DNMT1: variants seen among roughly 807,000 people sequenced by gnomAD.
DNMT1 encodes DNA methyltransferase 1, also known as DNA (cytosine-5)-methyltransferase 1.
Under a neutral mutation model 205.3 loss-of-function variants are expected in DNMT1, and 24 were observed. That is an observed-to-expected ratio of 0.12 (90% CI 0.08 to 0.16). DNMT1 has a LOEUF of 0.16. Among genes scored for constraint, DNMT1 ranks in the 10% least tolerant of loss-of-function variants. The pLI, the probability that DNMT1 is intolerant of heterozygous loss-of-function variation, is 1.00. For missense variants in DNMT1, 1,293 were observed against 2,177.7 expected, an observed-to-expected ratio of 0.59 and a Z score of 8.09; for synonymous variants, 817 against 839.8, an observed-to-expected ratio of 0.97 and a Z score of 0.47.
At chr19:10,175,450 T>C (rs2038921348) in intron 7 of DNMT1, 90 bp downstream of exon 7, 2 of 1,515,904 alleles carry the variant, frequency 1.3e-6, no homozygotes, top group East Asian at 2.3e-5. Flanking sequence ...AGACAGGGTT[T>C]TTATTTACTT....
chr19:10,140,498 T>C lies in DNMT1; in HGVS notation c.3524-170A>G. On this transcript the variant is annotated intron_variant, in intron 32 of 40. Coordinates refer to ENST00000359526, the MANE Select transcript of DNMT1 (RefSeq NM_001130823.3). The surrounding 1 kb of genome is among the most constrained non-coding windows in gnomAD (Gnocchi z 8.4). ...GATTCTCCCACCTCAGCCTCCTGAG[T>C]AGCTGGGACTACAGGCACACACCAC... The C allele has an allele frequency of 2.9e-6, 3 of 1,028,852 alleles. No individual in the cohort carries two copies. The highest frequency in any genetic ancestry group is 4.3e-6 in the Non-Finnish European group (3 of 703,136). The allele number at this position is 1,028,852 out of a possible 1,614,324, so 63.7% of individuals were successfully genotyped here. A position where few individuals can be genotyped will look rare whatever the true frequency, so the allele number is the denominator to read the frequency against.
chr19:10,162,667 C>T lies in DNMT1; in HGVS notation c.1008G>A (p.Lys336=), dbSNP rs750048459. ...QISDEKDEDE[K]EEKRRKTTPK... ...AAAGAAAGAAAAGTGAGACCTTTACCTTTTCATCCTCGTCTTTTTCATCAG... is the reference window on the plus strand; with the variant it reads ...AAAGAAAGAAAAGTGAGACCTTTACTTTTTCATCCTCGTCTTTTTCATCAG... Residue 336 remains lysine (K), a splice_region_variant and synonymous_variant, in exon 13 of 41, where the codon AAG becomes AAA. Transcript: ENST00000359526. 5 of 1,608,246 alleles carry T rather than the reference C, an allele frequency of 3.1e-6. No homozygotes were observed. The highest frequency in any genetic ancestry group is 4.3e-6 in the Non-Finnish European group (5 of 1,176,358).
rs573823039 is a variant in DNMT1 at position 10,162,620 on chromosome 19, GAAA to G, written c.1008+44_1008+46del. 0.01 allele frequency: 13,344 copies of G among 1,293,020 alleles called. No individual in the cohort carries two copies. Among genetic ancestry groups the G allele is most frequent in the East Asian group, 0.017 (623 of 37,004 alleles). 80.1% of individuals were successfully genotyped at this position (1,293,020 alleles called of 1,614,324 possible). A position where few individuals can be genotyped will look rare whatever the true frequency, so the allele number is the denominator to read the frequency against. On this transcript the variant is annotated intron_variant, in intron 13 of 40. Transcript: ENST00000359526. ...CAACATGGCGAAACCCCGTCTTGGG[GAAA>G]AAAAAAAAAAAAAAAAAGAAAGAAA...
At chr19:10,149,775 T>G in intron 25 of DNMT1, 78 bp downstream of exon 25, 1 of 1,604,046 alleles carries the variant, frequency 6.2e-7, no homozygotes, top group Admixed American at 1.7e-5. Flanking sequence ...AAGCTGCTGG[T>G]GCTATTTTGG....
chr19:10,155,329 G>A (rs2038433842), intron 19 of DNMT1, among the ~76,000 whole-genome samples: 2 of 151,694 alleles, frequency 1.3e-5, no homozygotes, highest in South Asian at 4.2e-4. Context: ...GCAAGAATAA[G>A]ACCTGCTCTT....
In DNMT1 at chr19:10,137,945, G is replaced by A; in HGVS notation, c.4180C>T (p.Arg1394Trp). The change falls in exon 36 of 41, where the codon CGG becomes TGG. Residue 1394 changes from arginine to tryptophan, a missense_variant. By Grantham distance (101) the Arg-to-Trp change is moderately radical. Around this residue, in one of 13 missense-constraint regions of DNMT1, gnomAD observed 148 missense variants for 256.1 expected, o/e 0.58. Transcript: ENST00000359526. The surrounding 1 kb of genome is among the most constrained non-coding windows in gnomAD (Gnocchi z 6.4). ...RDTMSDLPEV[R>W]NGASALEISY... is the part of the protein sequence containing the mutation. The stretch of plus-strand genomic sequence containing the variant: ...ATCTCCAGTGCCGAGGCTCCATTCC[G>A]CACCTCCGGCAGGTCGGACATCGTG... 1.9e-6 allele frequency: 3 copies of A among 1,611,736 alleles called. No individual in the cohort carries two copies. The highest frequency in any genetic ancestry group is 1.1e-5 in the South Asian group (1 of 90,548).
chr19:10,139,923 G>C, intron 33 of DNMT1, 106 bp from the exon 34 acceptor site: 1 of 1,582,830 alleles, frequency 6.3e-7, no homozygotes, highest in Non-Finnish European at 8.6e-7. Context: ...TCTCTCCCTG[G>C]TGAGAGCTGA....
chr19:10,180,454 C>T lies in DNMT1; in HGVS notation c.341G>A (p.Arg114Lys), dbSNP rs554894511. ...NGRLENGNQA[R>K]SEARRVGMAD... is the part of the protein sequence containing the mutation. ...CATTCCCACTCTACGGGCTTCACTT[C>T]TTGCTTGGTTCCCGTTTTCTAGACG... is the stretch of plus-strand genomic sequence containing the variant. The change falls in exon 4 of 41, where the codon AGA (arginine) becomes AAA (lysine). Residue 114 changes from arginine to lysine, a missense_variant. This residue lies in a region of DNMT1 where 394 missense variants were observed against 451.6 expected (regional missense o/e 0.87). Coordinates refer to ENST00000359526, the MANE Select transcript of DNMT1 (RefSeq NM_001130823.3). 1.2e-5 allele frequency: 20 copies of T among 1,614,058 alleles called. No individual in the cohort carries two copies. Among genetic ancestry groups the T allele is most frequent in the Non-Finnish European group, 1.7e-5 (20 of 1,180,048 alleles).
In DNMT1 at chr19:10,148,976, C is replaced by A; in HGVS notation, c.2628G>T (p.Gly876=). 1 of 1,614,170 alleles carries A rather than the reference C, an allele frequency of 6.2e-7. No homozygotes were observed. The highest frequency in any genetic ancestry group is 8.5e-7 in the Non-Finnish European group (1 of 1,180,034). The stretch of plus-strand genomic sequence containing the variant: ...ACCACAGCTGGTAGAAGTAGGTCTT[C>A]CCGTCGTCCCCCTCCAGCAGGGACT... ...DPESLLEGDD[G]KTYFYQLWYD... Residue 876 remains glycine (G), a synonymous_variant, in exon 27 of 41, where the codon GGG becomes GGT. Transcript: ENST00000359526.
intron 19 of DNMT1, among the ~76,000 whole-genome samples, chr19:10,155,358 G>A (rs2038434735): frequency 1.3e-5 from 2 of 151,542 alleles, no homozygotes; most frequent in South Asian, 4.2e-4. Flanking sequence ...TTCAGGGGAG[G>A]ACAGAGTCTT....
chr19:10,142,274 G>C lies in DNMT1; in HGVS notation c.3117-54C>G, dbSNP rs1022554194. ...CTCTCCTTTGTGGTGAGCTTATGCT[G>C]AATTAAACAGTACCATGTTCCTGGG... On this transcript the variant is annotated intron_variant, in intron 29 of 40. Transcript: ENST00000359526. 3.1e-6 allele frequency: 5 copies of C among 1,611,536 alleles called. No homozygotes were observed. In the Admixed American group the frequency reaches 5.0e-5, roughly 16 times the overall value.
At chr19:10,163,438 C>G (rs372384316) in intron 11 of DNMT1, 78 bp from the exon 12 acceptor site, 1 of 1,473,244 alleles carries the variant, frequency 6.8e-7, no homozygotes, top group East Asian at 2.3e-5. Flanking sequence ...AGATAAAATG[C>G]AAACACTGAA....
At chr19:10,186,814 GACA>G (rs1432846765) in intron 1 of DNMT1, among the ~76,000 whole-genome samples, 11 of 124,624 alleles carry the variant, frequency 8.8e-5, no homozygotes, top group African/African-American at 3.6e-4. Context: ...CTCCAGCCTG[GACA>G]ACAAGAGTGA....
chr19:10,177,250 C>T (rs200295733), intron 6 of DNMT1, 42 bp downstream of exon 6: 24 of 1,585,436 alleles, frequency 1.5e-5, no homozygotes, highest in Admixed American at 1.5e-4. Context: ...CCAAAACAGC[C>T]GGCCCCTAAA....
At chr19:10,170,288 T>TA (rs934398480) in intron 9 of DNMT1, among the ~76,000 whole-genome samples, 13 of 149,300 alleles carry the variant, frequency 8.7e-5, no homozygotes, top group Non-Finnish European at 1.3e-4. Flanking sequence ...CCATCTCAAT[T>TA]AAAAAAAAAG....
chr19:10,162,936 C>A, intron 12 of DNMT1, 188 bp from the exon 13 acceptor site: 2 of 606,552 alleles, frequency 3.3e-6, no homozygotes, highest in Non-Finnish European at 5.8e-6. Flanking sequence ...CCCCACACAT[C>A]TACATCACCA....
At chr19:10,189,401 G>A (rs147151941) in intron 1 of DNMT1, among the ~76,000 whole-genome samples, 2,382 of 150,264 alleles carry the variant, frequency 0.016, 76 homozygotes, top group African/African-American at 0.056. Context: ...GATTACAGGC[G>A]TGAGCCACCA....
intron 11 of DNMT1, 31 bp downstream of exon 11, chr19:10,166,567 G>A: frequency 6.2e-7 from 1 of 1,613,310 alleles, no homozygotes; most frequent in Non-Finnish European, 8.5e-7. Flanking sequence ...AAGAATGAGG[G>A]GGAGTTCAGA....
chr19:10,148,791 T>C (rs1037813645), intron 27 of DNMT1, 93 bp downstream of exon 27: 33 of 1,606,804 alleles, frequency 2.1e-5, no homozygotes, highest in Non-Finnish European at 2.5e-5. Context: ...TGGGGGGCCG[T>C]TGGCGGAAGC....
Sources: allele counts gnomAD v4.1 joint callset (sites outside exome capture counted in the v4.1 genomes callset), GRCh38; gene constraint gnomAD v4.1.1; regional missense constraint gnomAD v4.1.1; non-coding constraint Gnocchi (gnomAD v3.1); transcripts MANE v1.5; gene names NCBI Gene and HGNC (gene_info 2026-07-23, HGNC 2026-07-21).